The following THRAP3 variants were observed in gnomAD, a reference collection of about 807,000 sequenced individuals.
THRAP3 encodes thyroid hormone receptor associated protein 3, also known as thyroid hormone receptor-associated protein 3.
THRAP3 carries 16 observed loss-of-function variants against 101.0 expected under a neutral mutation model. The observed-to-expected ratio is 0.16, with a 90% CI of 0.11 to 0.24. The LOEUF (loss-of-function observed/expected upper bound fraction) is 0.24, where lower values mean the gene tolerates loss of function less well. Among genes scored for constraint, THRAP3 ranks in the 10% least tolerant of loss-of-function variants. THRAP3 has a pLI of 1.00. For missense variants in THRAP3, 989 were observed against 1,202.7 expected, an observed-to-expected ratio of 0.82 and a Z score of 2.63; for synonymous variants, 407 against 422.6, an observed-to-expected ratio of 0.96 and a Z score of 0.45.
intron 1 of THRAP3, among the ~76,000 whole-genome samples, chr1:36,243,151 CTTTTTTTTTTT>C (rs58340320): frequency 0.023 from 1,402 of 60,912 alleles, 35 homozygotes; most frequent in African/African-American, 0.076. Context: ...GAGGAACTTT[CTTTTTTTTTTT>C]TTTTTTTTTT....
the THRAP3 span, among the ~76,000 whole-genome samples, chr1:36,217,440 A>G: frequency 1.3e-5 from 2 of 152,120 alleles, no homozygotes; most frequent in African/African-American, 4.8e-5. Context: ...ACCTTGGGGT[A>G]AGTTTCTGGG....
intron 11 of THRAP3, 42 bp from the exon 12 acceptor site, chr1:36,303,754 C>G: frequency 6.2e-7 from 1 of 1,613,160 alleles, no homozygotes; most frequent in South Asian, 1.1e-5. Context: ...CTGGCCACAT[C>G]TTGTTCACTC....
chr1:36,266,286 A>G (rs1174169597), intron 2 of THRAP3, among the ~76,000 whole-genome samples: 3 of 152,122 alleles, frequency 2.0e-5, no homozygotes, highest in Non-Finnish European at 4.4e-5. Flanking sequence ...AGATTGAGCT[A>G]CTGCACTCCA....
Position 36,289,620 on chromosome 1 carries a change from C to T in THRAP3, c.1601C>T (p.Ser534Leu), listed in dbSNP as rs1256177384. The T allele has an allele frequency of 2.5e-6, 4 of 1,614,064 alleles. No individual in the cohort carries two copies. The highest frequency in any genetic ancestry group is 3.4e-6 in the Non-Finnish European group (4 of 1,180,038). Residue 534 changes from serine (S) to leucine (L), a missense_variant, in exon 5 of 12, where the codon TCA (serine) becomes TTA (leucine). Transcript: ENST00000354618. ...TAYKAVQEKS[S>L]SPPPRKTSES... ...TATAAAGCAGTCCAGGAGAAAAGCT[C>T]ATCACCTCCCCCAAGAAAGACCTCT...
chr1:36,218,933 T>C, the THRAP3 span, among the ~76,000 whole-genome samples: 2 of 147,732 alleles, frequency 1.4e-5, no homozygotes, highest in East Asian at 4.0e-4. Flanking sequence ...CTTGGGAGGC[T>C]GAAGCAGAAT....
rs533362379 is a variant in THRAP3, at chr1:36,231,750, C to A, written c.-135+7245C>A. On this transcript the variant is annotated intron_variant, in intron 1 of 11. Coordinates refer to ENST00000354618, the MANE Select transcript of THRAP3 (RefSeq NM_005119.4). ...GGAAGTTTCTTTACTCAGGGTCTTT[C>A]CTTTATAGCAGGGCTTCACAGAAGA... 6.2e-4 allele frequency among the ~76,000 whole-genome samples: 95 copies of A among 152,190 alleles called. No individual in the cohort carries two copies. In the South Asian group the frequency reaches 0.016, roughly 26 times the overall value.
chr1:36,214,774 G>A, the THRAP3 span, among the ~76,000 whole-genome samples: 2 of 151,786 alleles, frequency 1.3e-5, no homozygotes, highest in African/African-American at 4.8e-5. Context: ...CAGGAGAATC[G>A]CTTGAACCCG....
In THRAP3 at chr1:36,291,112, C is replaced by G. The variant is rs1019496420; in HGVS notation, c.1746-262C>G. On this transcript the variant is annotated intron_variant, in intron 5 of 11. Transcript: ENST00000354618. ...TGTAGTTTATCTTTTAAAATACTTT[C>G]TCATTTGTTGGGTGTGTTAAAACCA... Among the ~76,000 whole-genome samples, 23 of 152,240 alleles carry G rather than the reference C, an allele frequency of 1.5e-4. No homozygotes were observed. The South Asian group carries it at 4.6e-3, about 30-fold the overall frequency.
intron 1 of THRAP3, among the ~76,000 whole-genome samples, chr1:36,254,320 GTATGTTATAT>G (rs1645346426): frequency 6.6e-6 from 1 of 152,100 alleles, no homozygotes; most frequent in Admixed American, 6.6e-5. Context: ...TAAGATCAAT[GTATGTTATAT>G]TCTTGGCATA....
At chr1:36,270,571 GT>G (rs532301363) in intron 2 of THRAP3, among the ~76,000 whole-genome samples, 2 of 31,870 alleles carry the variant, frequency 6.3e-5, no homozygotes, top group Non-Finnish European at 1.6e-4. Flanking sequence ...ATTTGTTTAG[GT>G]TTTTGTTTTT....
At chr1:36,216,098 G>T in the THRAP3 span, among the ~76,000 whole-genome samples, 1 of 152,078 alleles carries the variant, frequency 6.6e-6, no homozygotes, top group Non-Finnish European at 1.5e-5. Context: ...GTAAAAATAG[G>T]CTGGGCACAG....
intron 1 of THRAP3, among the ~76,000 whole-genome samples, chr1:36,236,463 C>T (rs952132281): frequency 6.6e-6 from 1 of 151,764 alleles, no homozygotes; most frequent in Non-Finnish European, 1.5e-5. Context: ...CTTCCTTCTT[C>T]CCCCTTTCCT....
At chr1:36,259,787 AAG>A (rs1470368492) in intron 2 of THRAP3, among the ~76,000 whole-genome samples, 1 of 151,828 alleles carries the variant, frequency 6.6e-6, no homozygotes, top group African/African-American at 2.4e-5. Flanking sequence ...AGAAAAGAAA[AAG>A]AATTGATTAT....
chr1:36,270,794 C>T (rs1042595730), intron 2 of THRAP3, among the ~76,000 whole-genome samples: 1 of 151,902 alleles, frequency 6.6e-6, no homozygotes, highest in Non-Finnish European at 1.5e-5. Flanking sequence ...TCAGGCCGGT[C>T]TCCGACTCCC....
At chr1:36,295,748 G>GTATA (rs1345452938) in intron 8 of THRAP3, among the ~76,000 whole-genome samples, 2 of 151,700 alleles carry the variant, frequency 1.3e-5, no homozygotes, top group Non-Finnish European at 2.9e-5. Context: ...AAATTTGTCA[G>GTATA]TATAACTCAG....
At chr1:36,276,793 G>T (rs1179330974) in intron 2 of THRAP3, among the ~76,000 whole-genome samples, 1 of 151,866 alleles carries the variant, frequency 6.6e-6, no homozygotes, top group Non-Finnish European at 1.5e-5. Flanking sequence ...GGAGGTGGAG[G>T]CTGCAGTGAG....
At chr1:36,260,314 C>T (rs1407225995) in intron 2 of THRAP3, among the ~76,000 whole-genome samples, 1 of 152,110 alleles carries the variant, frequency 6.6e-6, no homozygotes, top group Non-Finnish European at 1.5e-5. Context: ...ACCATCAGCT[C>T]CCTAGGGCTC....
the THRAP3 span, among the ~76,000 whole-genome samples, chr1:36,218,583 G>A: frequency 2.6e-5 from 4 of 151,240 alleles, no homozygotes; most frequent in Admixed American, 6.6e-5. Flanking sequence ...TTAGCCAGGC[G>A]TGGTGGCAGG....
intron 8 of THRAP3, among the ~76,000 whole-genome samples, chr1:36,295,643 G>A (rs2124631615): frequency 6.9e-6 from 1 of 145,194 alleles, no homozygotes; most frequent in East Asian, 2.1e-4. Flanking sequence ...CTGTTTCTTT[G>A]GTTTCTTTCC....
Sources: allele counts gnomAD v4.1 joint callset (sites outside exome capture counted in the v4.1 genomes callset), GRCh38; gene constraint gnomAD v4.1.1; transcripts MANE v1.5; gene names NCBI Gene and HGNC (gene_info 2026-07-23, HGNC 2026-07-21).